FAM169A: variants seen among roughly 807,000 people sequenced by gnomAD.
FAM169A encodes family with sequence similarity 169 member A.
Under a neutral mutation model 75.7 loss-of-function variants are expected in FAM169A, and 24 were observed. The ratio of observed to expected loss-of-function variants is 0.32; its 90% CI spans 0.23 to 0.45. FAM169A has a LOEUF of 0.45. FAM169A is among the 20% of genes least tolerant of loss of function. The pLI is 1.00. For missense variants in FAM169A, 673 were observed against 784.0 expected, an observed-to-expected ratio of 0.86 and a Z score of 1.69; for synonymous variants, 271 against 271.0, an observed-to-expected ratio of 1.00 and a Z score of 0.00.
At chr5:74,862,818 T>C (rs910976132) in intron 1 of FAM169A, among the ~76,000 whole-genome samples, 1 of 152,182 alleles carries the variant, frequency 6.6e-6, no homozygotes, top group African/African-American at 2.4e-5. Flanking sequence ...TTTTCAAAAA[T>C]CTTTGTACAG....
chr5:74,824,783 T>C (rs1747938562), intron 5 of FAM169A, among the ~76,000 whole-genome samples: 1 of 151,888 alleles, frequency 6.6e-6, no homozygotes, highest in Non-Finnish European at 1.5e-5. Flanking sequence ...TTTGAAGTCA[T>C]TTAGCTGATA....
intron 4 of FAM169A, among the ~76,000 whole-genome samples, chr5:74,836,841 G>A (rs1462985887): frequency 3.9e-5 from 6 of 151,946 alleles, no homozygotes; most frequent in South Asian, 2.1e-4. Flanking sequence ...CCAGCTACTC[G>A]GGAGGCTAAG....
chr5:74,817,914 T>C (rs1348868931), intron 5 of FAM169A, among the ~76,000 whole-genome samples: 1 of 152,200 alleles, frequency 6.6e-6, no homozygotes, highest in African/African-American at 2.4e-5. Context: ...AGGAAAATTA[T>C]ATATTTAACG....
chr5:74,834,489 C>A lies in FAM169A; in HGVS notation c.427G>T (p.Asp143Tyr). 1 of 1,596,110 alleles carries A rather than the reference C, an allele frequency of 6.3e-7. No homozygotes were observed. The highest frequency in any genetic ancestry group is 1.1e-5 in the South Asian group (1 of 87,928). The change falls in exon 5 of 13, where the codon GAT becomes TAT. Residue 143 changes from aspartate to tyrosine, a missense_variant. Transcript: ENST00000687041. The stretch of plus-strand genomic sequence containing the variant: ...TTCTTCCACAGAATCTTAGCATAAT[C>A]AGTACTGCTATGACACAGGAATGGG... The part of the protein sequence containing the change: ...EIPFLCHSST[D>Y]YAKILWKKGE...
chr5:74,781,952 C>A lies in FAM169A; in HGVS notation c.1521G>T (p.Lys507Asn). The A allele has an allele frequency of 6.2e-7, 1 of 1,614,038 alleles. No individual in the cohort carries two copies. Among genetic ancestry groups the A allele is most frequent in the Non-Finnish European group, 8.5e-7 (1 of 1,179,970 alleles). Residue 507 changes from lysine to asparagine, a missense_variant, in exon 13 of 13, where the codon AAG becomes AAT. Coordinates refer to ENST00000687041, the MANE Select transcript of FAM169A (RefSeq NM_001376049.1). ...GGGACAATTTCTCTTCCATGTGCCC[C>A]TTTTCATCAGATGTGCCTTCATCCA... ...MLMDEGTSDE[K>N]GHMEEKLSLL... is the part of the protein sequence containing the mutation.
At chr5:74,786,962 C>G (rs371658470) in intron 11 of FAM169A, among the ~76,000 whole-genome samples, 1 of 152,136 alleles carries the variant, frequency 6.6e-6, no homozygotes, top group African/African-American at 2.4e-5. Context: ...CCAGAAGAAA[C>G]AGCTTCGCCA....
At chr5:74,856,128 T>C (rs1268689051) in intron 1 of FAM169A, among the ~76,000 whole-genome samples, 6 of 152,230 alleles carry the variant, frequency 3.9e-5, no homozygotes, top group Non-Finnish European at 8.8e-5. Flanking sequence ...TCTACTCTGT[T>C]CCATTGGTCT....
chr5:74,818,570 G>GCCCCCC (rs547390121), intron 5 of FAM169A, among the ~76,000 whole-genome samples: 1 of 80,784 alleles, frequency 1.2e-5, no homozygotes, highest in Non-Finnish European at 2.6e-5. Flanking sequence ...CCCAGACCCC[G>GCCCCCC]CCCCCCCCAC....
At chr5:74,797,289 G>A (rs1746328520) in intron 10 of FAM169A, among the ~76,000 whole-genome samples, 1 of 152,130 alleles carries the variant, frequency 6.6e-6, no homozygotes, top group African/African-American at 2.4e-5. Context: ...CGTTTCTCTT[G>A]CCTCAGCCTC....
intron 5 of FAM169A, among the ~76,000 whole-genome samples, chr5:74,814,422 CT>C (rs1269852483): frequency 3.3e-5 from 5 of 150,884 alleles, no homozygotes; most frequent in Admixed American, 6.6e-5. Context: ...CCTGAATATC[CT>C]TTTTTTTTCT....
intron 4 of FAM169A, 107 bp from the exon 5 acceptor site, chr5:74,834,704 A>G (rs1748479433): frequency 1.2e-6 from 1 of 851,884 alleles, no homozygotes; most frequent in Non-Finnish European, 1.7e-6. Flanking sequence ...AATTCAAAGC[A>G]CTTCAAATGC....
intron 11 of FAM169A, among the ~76,000 whole-genome samples, chr5:74,787,123 A>G (rs1745735770): frequency 6.6e-6 from 1 of 152,166 alleles, no homozygotes; most frequent in Non-Finnish European, 1.5e-5. Flanking sequence ...AAGAACTGCT[A>G]GAGTTTTCTA....
rs202200617 is a variant in FAM169A at position 74,781,762 on chromosome 5, G to C, written c.1711C>G (p.Gln571Glu). 2 of 1,613,944 alleles carry C rather than the reference G, an allele frequency of 1.2e-6. No homozygotes were observed. Among genetic ancestry groups the C allele is most frequent in the East Asian group, 2.2e-5 (1 of 44,884 alleles). Residue 571 changes from glutamine (Q) to glutamate (E), a missense_variant, in exon 13 of 13, where the codon CAG (glutamine) becomes GAG (glutamate). Coordinates refer to ENST00000687041, the MANE Select transcript of FAM169A (RefSeq NM_001376049.1). ...GGCTCAGATACCCCCTCCTCACCCT[G>C]GTCTTCCAATGAGGAAGTAGTATTA... ...SPNTTSSLED[Q>E]GEEGVSEPQE...
chr5:74,812,026 T>G (rs1238376351), intron 6 of FAM169A, among the ~76,000 whole-genome samples: 5 of 152,200 alleles, frequency 3.3e-5, no homozygotes, highest in Non-Finnish European at 7.3e-5. Flanking sequence ...TCTAATTGGG[T>G]AGAAGTACAT....
intron 11 of FAM169A, among the ~76,000 whole-genome samples, chr5:74,793,323 C>CAA (rs916752737): frequency 3.4e-4 from 22 of 65,402 alleles, no homozygotes; most frequent in South Asian, 1.1e-3. Flanking sequence ...GAGTCCATTT[C>CAA]AAAAAAAAAA....
At chr5:74,790,482 T>C (rs904654291) in intron 11 of FAM169A, among the ~76,000 whole-genome samples, 1 of 152,096 alleles carries the variant, frequency 6.6e-6, no homozygotes, top group African/African-American at 2.4e-5. Context: ...GGTGACAAAT[T>C]TGGGGAAGAG....
At chr5:74,796,323 A>G (rs1335098786) in intron 10 of FAM169A, 137 bp from the exon 11 acceptor site, 4 of 675,612 alleles carry the variant, frequency 5.9e-6, no homozygotes, top group East Asian at 2.8e-5. Context: ...TCTAAAACCA[A>G]TCTCTTCATC....
intron 5 of FAM169A, among the ~76,000 whole-genome samples, chr5:74,820,391 T>A (rs929961793): frequency 1.3e-5 from 2 of 152,108 alleles, no homozygotes; most frequent in Non-Finnish European, 2.9e-5. Flanking sequence ...TACAAGTGAC[T>A]CCAATAAACC....
chr5:74,787,499 A>C (rs1226193563), intron 11 of FAM169A, among the ~76,000 whole-genome samples: 1 of 152,176 alleles, frequency 6.6e-6, no homozygotes, highest in Non-Finnish European at 1.5e-5. Flanking sequence ...CCCTTGACCG[A>C]TGCTTTGCGA....
Sources: gnomAD v4.1 joint callset for allele counts (sites outside exome capture counted in the v4.1 genomes callset) on GRCh38, gnomAD v4.1.1 for gene constraint, MANE v1.5 for transcripts, NCBI Gene and HGNC (gene_info 2026-07-23, HGNC 2026-07-21) for gene names.